Variants in TIMM17A observed in about 807,000 individuals in gnomAD.
TIMM17A encodes translocase of inner mitochondrial membrane 17A.
TIMM17A carries 15 observed loss-of-function variants against 26.5 expected under a neutral mutation model. The observed-to-expected ratio is 0.57, with a 90% CI of 0.38 to 0.87. The LOEUF (loss-of-function observed/expected upper bound fraction) is 0.87. Ranked by LOEUF, TIMM17A falls within the 40% of genes least tolerant of loss-of-function variation. TIMM17A has a pLI of 0.00. For missense variants in TIMM17A, 201 were observed against 210.0 expected (o/e 0.96, Z 0.27); for synonymous variants, 80 against 70.8 (o/e 1.13, Z -0.66).
In TIMM17A at chr1:201,957,529, C is replaced by T. The variant is rs1160335642; in HGVS notation, c.145C>T (p.Arg49Ter). The T allele has an allele frequency of 7.4e-6, 12 of 1,613,578 alleles. No homozygotes were observed. The highest frequency in any genetic ancestry group is 1.0e-5 in the Non-Finnish European group (12 of 1,179,948). Residue 49 changes from arginine to a stop codon, truncating the protein, a stop_gained, in exon 3 of 6, where the codon CGA becomes TGA. Coordinates refer to ENST00000367287, the MANE Select transcript of TIMM17A (RefSeq NM_006335.3). LOFTEE classifies it high-confidence loss of function. ...NSPVGVNHRL[R>*]GSLTAIKTRA... is the part of the protein sequence containing the mutation. ...GTTATAGGGAGTAAACCACAGACTA[C>T]GAGGGAGTTTGACAGCTATTAAAAC...
intron 5 of TIMM17A, among the ~76,000 whole-genome samples, chr1:201,966,667 A>C (rs1235484048): frequency 6.6e-6 from 1 of 151,804 alleles, no homozygotes; most frequent in African/African-American, 2.4e-5. Flanking sequence ...AACGTGGTGA[A>C]ACCCCGTCTC....
Position 201,957,326 on chromosome 1 carries a change from TACCATTGGTG to T in TIMM17A, c.73_82del (p.Thr25ValfsTer17). On this transcript the variant is annotated frameshift_variant, in exon 2 of 6. Coordinates refer to ENST00000367287, the MANE Select transcript of TIMM17A (RefSeq NM_006335.3). LOFTEE classifies it high-confidence loss of function. ...ACTGTGGTGGGGCCTTTACGATGGG[TACCATTGGTG>T]GTGGTATCTTTCAAGCAATCAAAGG... 6.2e-7 allele frequency: 1 copy of T among 1,614,110 alleles called. No individual in the cohort carries two copies. Among genetic ancestry groups the T allele is most frequent in the Non-Finnish European group, 8.5e-7 (1 of 1,179,964 alleles).
chr1:201,966,519 T>C (rs2102945731), intron 5 of TIMM17A, among the ~76,000 whole-genome samples: 1 of 151,356 alleles, frequency 6.6e-6, no homozygotes, highest in South Asian at 2.1e-4. Flanking sequence ...TAAATGAAAA[T>C]ATCCCTTGAC....
chr1:201,960,511 C>A (rs1356271549), intron 3 of TIMM17A, among the ~76,000 whole-genome samples: 1 of 152,028 alleles, frequency 6.6e-6, no homozygotes, highest in Non-Finnish European at 1.5e-5. Flanking sequence ...TTTTTTCTTA[C>A]AAAGCACGGT....
At chr1:201,960,470 G>A (rs1408906410) in intron 3 of TIMM17A, among the ~76,000 whole-genome samples, 2 of 152,120 alleles carry the variant, frequency 1.3e-5, no homozygotes, top group African/African-American at 4.8e-5. Context: ...TAATGTAGAT[G>A]TTGGTAATAG....
In TIMM17A at chr1:201,968,009, GTTTTT is replaced by G. The variant is rs375530121; in HGVS notation, c.431-1459_431-1455del. ...TACATGAAAAAGTTTGTCTTGTTTT[GTTTTT>G]GAGACAGAGTCTCGGTCTGTCGCCC... On this transcript the variant is annotated intron_variant, in intron 5 of 5. Transcript: ENST00000367287. Among the ~76,000 whole-genome samples, 753 of 151,704 alleles carry G rather than the reference GTTTTT, an allele frequency of 5.0e-3. 7 individuals are homozygous for G. The highest frequency in any genetic ancestry group is 0.017 in the African/African-American group (700 of 41,380).
chr1:201,956,628 G>T (rs1359048369), intron 1 of TIMM17A, among the ~76,000 whole-genome samples: 1 of 152,190 alleles, frequency 6.6e-6, no homozygotes, highest in Non-Finnish European at 1.5e-5. Context: ...ACACAGGTTA[G>T]CAGAGAGTTA....
chr1:201,964,625 T>A (rs1309773041), intron 4 of TIMM17A, among the ~76,000 whole-genome samples: 1 of 145,156 alleles, frequency 6.9e-6, no homozygotes, highest in Non-Finnish European at 1.5e-5. Context: ...TTATTTATTT[T>A]ATTTTATTTC....
At chr1:201,963,479 A>G (rs1161468108) in intron 3 of TIMM17A, 137 bp from the exon 4 acceptor site, 2 of 821,800 alleles carry the variant, frequency 2.4e-6, no homozygotes, top group Non-Finnish European at 3.8e-6. Context: ...TTCGGTGTTT[A>G]TTCAAACTTG....
At chr1:201,959,913 A>G (rs1682492631) in intron 3 of TIMM17A, among the ~76,000 whole-genome samples, 2 of 151,770 alleles carry the variant, frequency 1.3e-5, no homozygotes, top group African/African-American at 2.4e-5. Context: ...AGGCACAAGA[A>G]TGGCTGAACC....
At position 201,965,546 on chromosome 1, in the gene TIMM17A, G is replaced by A. The variant is rs1439850775; in HGVS notation, c.430+3G>A. The A allele has an allele frequency of 6.4e-7, 1 of 1,573,944 alleles. No individual in the cohort carries two copies. Among genetic ancestry groups the A allele is most frequent in the Non-Finnish European group, 8.7e-7 (1 of 1,143,268 alleles). Reference sequence around the variant, plus strand: ...TGCCTCTGCACAGTTTCCCAATGGTGAGTCTTTTTGCTTAAAACTATAGCT... The same window carrying A: ...TGCCTCTGCACAGTTTCCCAATGGTAAGTCTTTTTGCTTAAAACTATAGCT... On this transcript the variant is annotated splice_donor_region_variant and intron_variant, in intron 5 of 5. Transcript: ENST00000367287.
chr1:201,967,015 G>GTGTGTGTGTGTA (rs59893489), intron 5 of TIMM17A, among the ~76,000 whole-genome samples: 36,093 of 117,982 alleles, frequency 0.31, 5,730 homozygotes, highest in South Asian at 0.41. Flanking sequence ...GTGTGTGTGT[G>GTGTGTGTGTGTA]TATATATATA....
rs948596839 is a variant in TIMM17A, at chr1:201,970,654, C to T, written c.*1100C>T. On this transcript the variant is annotated 3_prime_UTR_variant, in exon 6 of 6. Coordinates refer to ENST00000367287, the MANE Select transcript of TIMM17A (RefSeq NM_006335.3). ...GTGGTAAAATATACATAAAATAATACTTATTAACCATTTGTAAGTGTATAA... is the reference window on the plus strand; with the variant it reads ...GTGGTAAAATATACATAAAATAATATTTATTAACCATTTGTAAGTGTATAA... 6.6e-6 allele frequency: 1 copy of T among 152,182 alleles called. No individual in the cohort carries two copies. Among genetic ancestry groups the T allele is most frequent in the Admixed American group, 6.5e-5 (1 of 15,282 alleles). The allele number at this position is 152,182 out of a possible 1,614,324, so 9.4% of individuals were successfully genotyped here.
chr1:201,968,667 C>T (rs1571608688), intron 5 of TIMM17A, among the ~76,000 whole-genome samples: 1 of 152,156 alleles, frequency 6.6e-6, no homozygotes, highest in Non-Finnish European at 1.5e-5. Flanking sequence ...AGCCACCGCA[C>T]CCGGCCCCAG....
chr1:201,962,029 C>G (rs935042496), intron 3 of TIMM17A, among the ~76,000 whole-genome samples: 3 of 151,974 alleles, frequency 2.0e-5, no homozygotes, highest in African/African-American at 7.3e-5. Flanking sequence ...ACCAGGCTAC[C>G]CTTTATGGAT....
intron 5 of TIMM17A, among the ~76,000 whole-genome samples, chr1:201,967,237 C>T (rs1682649463): frequency 6.6e-6 from 1 of 151,912 alleles, no homozygotes; most frequent in Non-Finnish European, 1.5e-5. Flanking sequence ...AAGTGCACTG[C>T]TCGTTAAATG....
chr1:201,956,766 G>A (rs568095994), intron 1 of TIMM17A, among the ~76,000 whole-genome samples: 353 of 152,196 alleles, frequency 2.3e-3, no homozygotes, highest in Middle Eastern at 0.014. Context: ...GACCAGCCTG[G>A]CCAGTATGGT....
intron 4 of TIMM17A, among the ~76,000 whole-genome samples, chr1:201,964,249 C>G (rs985296491): frequency 1.3e-5 from 2 of 152,186 alleles, no homozygotes; most frequent in Non-Finnish European, 2.9e-5. Context: ...GAGAGCACTT[C>G]AGGTCCCAGT....
At chr1:201,955,949 G>A (rs921870358) in intron 1 of TIMM17A, among the ~76,000 whole-genome samples, 1 of 152,194 alleles carries the variant, frequency 6.6e-6, no homozygotes, top group South Asian at 2.1e-4. Context: ...CTGCGTTGAG[G>A]AACTGAAGAA....
Sources: gnomAD v4.1 joint callset for allele counts (sites outside exome capture counted in the v4.1 genomes callset) on GRCh38, gnomAD v4.1.1 for gene constraint, MANE v1.5 for transcripts, NCBI Gene and HGNC (gene_info 2026-07-23, HGNC 2026-07-21) for gene names.